PCDHA7: variants seen among roughly 807,000 people sequenced by gnomAD.
The protein encoded by PCDHA7 is protocadherin alpha 7.
Under a neutral mutation model 57.2 loss-of-function variants are expected in PCDHA7, and 37 were observed. The ratio of observed to expected loss-of-function variants is 0.65; its 90% CI spans 0.50 to 0.85. The LOEUF (loss-of-function observed/expected upper bound fraction) is 0.85. Ranked by LOEUF, PCDHA7 falls within the 40% of genes least tolerant of loss-of-function variation. The probability of loss-of-function intolerance (pLI) is 0.00; values close to 1 mark genes in which losing one functional copy is unlikely to be tolerated. For missense variants in PCDHA7, 1,188 were observed against 1,241.8 expected, an observed-to-expected ratio of 0.96 and a Z score of 0.65; for synonymous variants, 553 against 558.8, an observed-to-expected ratio of 0.99 and a Z score of 0.15.
At position 140,968,542 on chromosome 5, in the gene PCDHA7, G is replaced by A. The variant is rs782474856; in HGVS notation, c.2356-10407G>A. On this transcript the variant is annotated intron_variant, in intron 1 of 3. Transcript: ENST00000525929. ...CAACCAACTCGTCAGCAGCCTTCGA[G>A]ATGGTGCCTCGAACTGCCCCTGCTG... is the stretch of plus-strand genomic sequence containing the variant. The A allele has an allele frequency of 1.1e-5, 18 of 1,614,204 alleles. 2 individuals are homozygous for A. In the South Asian group the frequency reaches 2.0e-4, roughly 18 times the overall value.
intron 1 of PCDHA7, chr5:140,928,865 A>G: frequency 6.2e-7 from 1 of 1,614,072 alleles, no homozygotes; most frequent in Non-Finnish European, 8.5e-7. Flanking sequence ...CTGTTGAGCA[A>G]CTCTGTCCCT....
intron 1 of PCDHA7, among the ~76,000 whole-genome samples, chr5:140,933,949 G>A (rs184768008): frequency 6.6e-6 from 1 of 151,792 alleles, no homozygotes; most frequent in African/African-American, 2.4e-5. Flanking sequence ...CACATCTGCA[G>A]GATCTGTAGT....
intron 1 of PCDHA7, chr5:140,926,959 G>A: frequency 6.2e-7 from 1 of 1,604,022 alleles, no homozygotes; most frequent in Non-Finnish European, 8.5e-7. Context: ...GGGACAGCTC[G>A]AGTACTCAGT....
chr5:140,983,518 C>T (rs1417635641), intron 3 of PCDHA7, among the ~76,000 whole-genome samples: 1 of 152,130 alleles, frequency 6.6e-6, no homozygotes, highest in African/African-American at 2.4e-5. Context: ...AGACACTGTG[C>T]CAAGTACATT....
chr5:140,899,619 A>G (rs2067442008), intron 1 of PCDHA7, among the ~76,000 whole-genome samples: 2 of 152,136 alleles, frequency 1.3e-5, no homozygotes, highest in Admixed American at 1.3e-4. Context: ...AATGTTCATC[A>G]AGGATATTGG....
At chr5:140,991,180 C>T (rs2097436577) in intron 3 of PCDHA7, among the ~76,000 whole-genome samples, 1 of 152,160 alleles carries the variant, frequency 6.6e-6, no homozygotes. Context: ...AAGCAGGATG[C>T]CTAGCACACA....
chr5:140,871,535 G>T (rs577559822), intron 1 of PCDHA7: 2 of 1,514,054 alleles, frequency 1.3e-6, no homozygotes, highest in Admixed American at 4.8e-5. Flanking sequence ...AAGTGTATGT[G>T]AAATTATTTA....
chr5:140,900,370 T>G (rs983806569), intron 1 of PCDHA7, among the ~76,000 whole-genome samples: 18 of 152,236 alleles, frequency 1.2e-4, no homozygotes, highest in African/African-American at 4.1e-4. Context: ...CTCTGCCTCC[T>G]GGGTTCAAGC....
chr5:140,991,570 C>T (rs1554252306), intron 3 of PCDHA7, among the ~76,000 whole-genome samples: 1 of 152,220 alleles, frequency 6.6e-6, no homozygotes, highest in Non-Finnish European at 1.5e-5. Context: ...TTTCCAATAA[C>T]AGGCTCCTTA....
Position 140,835,795 on chromosome 5 carries a change from G to GC in PCDHA7, c.1413dup (p.Cys472LeufsTer127). 1 of 1,613,068 alleles carries GC rather than the reference G, an allele frequency of 6.2e-7. No individual in the cohort carries two copies. The highest frequency in any genetic ancestry group is 1.7e-5 in the Admixed American group (1 of 60,012). On this transcript the variant is annotated frameshift_variant, in exon 1 of 4. Coordinates refer to ENST00000525929, the MANE Select transcript of PCDHA7 (RefSeq NM_018910.3). LOFTEE classifies it high-confidence loss of function. ...TTCGTGAAGGAGAACAACCCGCCGG[G>GC]CTGCCACATCTTCACTGTGTCGGCG...
chr5:140,887,454 T>A (rs1234442880), intron 1 of PCDHA7, among the ~76,000 whole-genome samples: 5 of 152,178 alleles, frequency 3.3e-5, no homozygotes, highest in Non-Finnish European at 7.3e-5. Context: ...GACAGTTTTT[T>A]AAAAGATATA....
In PCDHA7 at chr5:140,850,114, C is replaced by G. The variant is rs1286583620; in HGVS notation, c.2355+13376C>G. ...CAGTTCCAGGTGAGCGCGCGCGACG[C>G]GGGCGTGCCGCCTCTGGGCAGCAAC... On this transcript the variant is annotated intron_variant, in intron 1 of 3. Coordinates refer to ENST00000525929, the MANE Select transcript of PCDHA7 (RefSeq NM_018910.3). 9 of 1,595,876 alleles carry G rather than the reference C, an allele frequency of 5.6e-6. 1 individual carries two copies. The highest frequency in any genetic ancestry group is 1.1e-5 in the South Asian group (1 of 90,494).
chr5:140,863,354 T>C, intron 1 of PCDHA7: 1 of 1,283,244 alleles, frequency 7.8e-7, no homozygotes, highest in Non-Finnish European at 1.1e-6. Flanking sequence ...TACACGACGC[T>C]GCGGTGCTTG....
intron 1 of PCDHA7, chr5:140,843,565 G>A (rs2150362787): frequency 6.3e-7 from 1 of 1,595,918 alleles, no homozygotes; most frequent in Admixed American, 1.7e-5. Context: ...TGGGGAGCTG[G>A]TCATACTCGC....
intron 1 of PCDHA7, among the ~76,000 whole-genome samples, chr5:140,881,114 T>A (rs2058590741): frequency 6.6e-6 from 1 of 152,204 alleles, no homozygotes; most frequent in Admixed American, 6.5e-5. Context: ...GGCCTGGGAT[T>A]TTGTGGCTTG....
At chr5:140,967,710 G>A (rs868978149) in intron 1 of PCDHA7, 1 of 1,614,182 alleles carries the variant, frequency 6.2e-7, no homozygotes, top group Non-Finnish European at 8.5e-7. Flanking sequence ...GCCAGTACCG[G>A]GGAAGTGCGA....
intron 1 of PCDHA7, chr5:140,843,075 T>C: frequency 6.3e-7 from 1 of 1,595,272 alleles, no homozygotes; most frequent in Non-Finnish European, 8.6e-7. Context: ...CCGCGGTCTG[T>C]GGGCGCGGGC....
intron 1 of PCDHA7, chr5:140,870,474 C>T (rs1554164302): frequency 6.2e-7 from 1 of 1,614,218 alleles, no homozygotes; most frequent in Non-Finnish European, 8.5e-7. Context: ...TCGCACAGCC[C>T]GAGTACACCG....
intron 1 of PCDHA7, among the ~76,000 whole-genome samples, chr5:140,895,476 G>A (rs928938592): frequency 6.6e-6 from 1 of 152,074 alleles, no homozygotes; most frequent in Non-Finnish European, 1.5e-5. Context: ...ATCCTCTTCG[G>A]AGAAATACCT....
Sources: gnomAD v4.1 joint callset for allele counts (sites outside exome capture counted in the v4.1 genomes callset) on GRCh38, gnomAD v4.1.1 for gene constraint, MANE v1.5 for transcripts, NCBI Gene and HGNC (gene_info 2026-07-23, HGNC 2026-07-21) for gene names.